The following MYO5A variants were observed in gnomAD, a reference collection of about 807,000 sequenced individuals.
MYO5A encodes myosin VA, also known as unconventional myosin-Va.
A neutral mutation model predicts 249.7 loss-of-function variants in MYO5A; 98 were observed. The ratio of observed to expected loss-of-function variants is 0.39; its 90% CI spans 0.33 to 0.46. MYO5A has a LOEUF of 0.46. Among genes scored for constraint, MYO5A ranks in the 20% least tolerant of loss-of-function variants. The pLI, the probability that MYO5A is intolerant of heterozygous loss-of-function variation, is 0.98. For synonymous variants in MYO5A, 778 were observed against 810.6 expected (o/e 0.96, Z 0.68); for missense variants, 1,696 against 2,308.8 (o/e 0.73, Z 5.44).
At chr15:52,325,971 A>T (rs538841513) in intron 36 of MYO5A, among the ~76,000 whole-genome samples, 1 of 152,368 alleles carries the variant, frequency 6.6e-6, no homozygotes, top group African/African-American at 2.4e-5. Context: ...TAGAGAAAAC[A>T]AGTTGAACTC....
At chr15:52,340,758 C>A (rs991010368) in intron 31 of MYO5A, among the ~76,000 whole-genome samples, 3 of 151,954 alleles carry the variant, frequency 2.0e-5, no homozygotes, top group Admixed American at 6.6e-5. Flanking sequence ...ACCAGCCTGG[C>A]CAACATAGCG....
At chr15:52,331,930 C>A in intron 34 of MYO5A, 2 of 883,566 alleles carry the variant, frequency 2.3e-6, no homozygotes, top group Non-Finnish European at 2.7e-6. Context: ...ATGAAAGCCA[C>A]GGGACTAACT....
intron 6 of MYO5A, among the ~76,000 whole-genome samples, chr15:52,408,362 G>A (rs765894021): frequency 1.4e-4 from 21 of 151,986 alleles, no homozygotes; most frequent in Non-Finnish European, 2.2e-4. Context: ...ATAAAGTATC[G>A]GATAGTAATG....
chr15:52,471,729 A>G (rs2076476703), intron 1 of MYO5A, among the ~76,000 whole-genome samples: 1 of 152,072 alleles, frequency 6.6e-6, no homozygotes, highest in Non-Finnish European at 1.5e-5. Context: ...ACAGGGTCTC[A>G]TTCTGTTGCC....
At chr15:52,397,863 T>C (rs10518688) in intron 9 of MYO5A, among the ~76,000 whole-genome samples, 7,645 of 152,194 alleles carry the variant, frequency 0.05, 553 homozygotes, top group African/African-American at 0.16. Context: ...CTTGGGGAAA[T>C]GGGTATTAAT....
chr15:52,347,850 G>C (rs189822083), intron 29 of MYO5A, among the ~76,000 whole-genome samples: 10 of 152,068 alleles, frequency 6.6e-5, no homozygotes, highest in Non-Finnish European at 1.3e-4. Context: ...TTACAAAGAG[G>C]TTCTTTTTTC....
At chr15:52,389,453 T>C in intron 12 of MYO5A, 90 bp from the exon 13 acceptor site, 3 of 1,351,056 alleles carry the variant, frequency 2.2e-6, no homozygotes, top group East Asian at 2.4e-5. Context: ...TTTATTTTTT[T>C]TTTTTGGCTT....
chr15:52,414,583 A>C (rs148077049), intron 5 of MYO5A, among the ~76,000 whole-genome samples: 16 of 152,278 alleles, frequency 1.1e-4, no homozygotes, highest in Non-Finnish European at 1.8e-4. Flanking sequence ...CTAGTATTAT[A>C]TGGTCCAGGC....
chr15:52,521,822 T>C (rs2077628573), intron 1 of MYO5A, among the ~76,000 whole-genome samples: 1 of 152,126 alleles, frequency 6.6e-6, no homozygotes. Context: ...AAAGTTTAGG[T>C]TGTATCAGCA....
chr15:52,400,090 T>C (rs922653542), intron 9 of MYO5A, among the ~76,000 whole-genome samples: 1 of 151,468 alleles, frequency 6.6e-6, no homozygotes, highest in African/African-American at 2.4e-5. Flanking sequence ...TTTTTAATTA[T>C]TTCTATCTTA....
At chr15:52,463,588 G>A (rs1382385861) in intron 1 of MYO5A, among the ~76,000 whole-genome samples, 1 of 151,968 alleles carries the variant, frequency 6.6e-6, no homozygotes, top group Non-Finnish European at 1.5e-5. Context: ...TACAGAAGAG[G>A]TTTTCTGTTT....
chr15:52,323,324 C>T, intron 37 of MYO5A, 31 bp downstream of exon 37: 3 of 1,559,202 alleles, frequency 1.9e-6, no homozygotes, highest in Non-Finnish European at 2.7e-6. Flanking sequence ...GAAAGTATAG[C>T]ATGCTGGTTT....
intron 25 of MYO5A, among the ~76,000 whole-genome samples, chr15:52,357,677 G>T (rs1404714302): frequency 6.6e-6 from 1 of 152,134 alleles, no homozygotes; most frequent in Non-Finnish European, 1.5e-5. Context: ...CCCATTCTGA[G>T]CCCGGATGAC....
chr15:52,428,280 AT>A (rs2075441997), intron 3 of MYO5A, 117 bp downstream of exon 3: 4 of 1,056,438 alleles, frequency 3.8e-6, no homozygotes, highest in Non-Finnish European at 5.8e-6. Flanking sequence ...CGCTCAAGTG[AT>A]TTTGTCTCTT....
chr15:52,358,766 A>T (rs1030191771), intron 25 of MYO5A, among the ~76,000 whole-genome samples: 10 of 151,542 alleles, frequency 6.6e-5, no homozygotes, highest in African/African-American at 2.5e-4. Context: ...CCACAGAATT[A>T]TGAGTAATAA....
rs564236515 is a variant in MYO5A at position 52,336,657 on chromosome 15, T to C, written c.4315-101A>G. ...AATATCACAGAAACAACACGTTAGT[T>C]TTACATAAGAGCTCATTGGTGGAGC... On this transcript the variant is annotated intron_variant, in intron 33 of 41. Transcript: ENST00000399233. The C allele has an allele frequency of 4.2e-5, 39 of 930,928 alleles. 1 individual carries two copies. The South Asian group carries it at 5.3e-4, about 13-fold the overall frequency. 57.7% of individuals were successfully genotyped at this position (930,928 alleles called of 1,614,324 possible). A position where few individuals can be genotyped will look rare whatever the true frequency, so the allele number is the denominator to read the frequency against.
intron 1 of MYO5A, among the ~76,000 whole-genome samples, chr15:52,498,884 C>T (rs1478851778): frequency 6.6e-6 from 1 of 152,292 alleles, no homozygotes; most frequent in South Asian, 2.1e-4. Context: ...CCCATATTAA[C>T]CCCTAATGGA....
chr15:52,321,346 G>A lies in MYO5A; in HGVS notation c.4951+13C>T. 1 of 1,614,102 alleles carries A rather than the reference G, an allele frequency of 6.2e-7. No individual in the cohort carries two copies. Among genetic ancestry groups the A allele is most frequent in the Non-Finnish European group, 8.5e-7 (1 of 1,180,018 alleles). ...TAGGCAGGCTGCAATGCCCAGTGGG[G>A]CCCTGGCCTTACCAATCATTGGCTG... is the stretch of plus-strand genomic sequence containing the variant. On this transcript the variant is annotated intron_variant, in intron 38 of 41. Transcript: ENST00000399233.
chr15:52,461,635 C>T (rs894322522), intron 1 of MYO5A, among the ~76,000 whole-genome samples: 4 of 152,124 alleles, frequency 2.6e-5, no homozygotes, highest in African/African-American at 7.2e-5. Context: ...CTCCCCATAG[C>T]TTAGGTAGAC....
Sources: allele counts gnomAD v4.1 joint callset (sites outside exome capture counted in the v4.1 genomes callset), GRCh38; gene constraint gnomAD v4.1.1; transcripts MANE v1.5; gene names NCBI Gene and HGNC (gene_info 2026-07-23, HGNC 2026-07-21).